The following CARMIL1 variants were observed in gnomAD, a reference collection of about 807,000 sequenced individuals.
CARMIL1 encodes the protein F-actin-uncapping protein LRRC16A.
A neutral mutation model predicts 177.1 loss-of-function variants in CARMIL1; 90 were observed. The observed-to-expected ratio is 0.51, with a 90% CI of 0.43 to 0.61. CARMIL1 has a LOEUF of 0.61. Among genes scored for constraint, CARMIL1 ranks in the 20% least tolerant of loss-of-function variants. The pLI, the probability that CARMIL1 is intolerant of heterozygous loss-of-function variation, is 0.00. For missense variants in CARMIL1, 1,380 were observed against 1,667.0 expected (o/e 0.83, Z 3.00); for synonymous variants, 577 against 606.2 (o/e 0.95, Z 0.71).
At chr6:25,343,058 T>C (rs983659306) in intron 2 of CARMIL1, among the ~76,000 whole-genome samples, 3 of 152,224 alleles carry the variant, frequency 2.0e-5, no homozygotes, top group Non-Finnish European at 2.9e-5. Context: ...CTGATGTTTT[T>C]TAAGATTGCA....
intron 2 of CARMIL1, among the ~76,000 whole-genome samples, chr6:25,333,693 G>C (rs1225144477): frequency 6.6e-6 from 1 of 152,096 alleles, no homozygotes; most frequent in Non-Finnish European, 1.5e-5. Context: ...CTCTCAGTTG[G>C]AACCCAGCTT....
chr6:25,325,910 G>A (rs1221658979), intron 2 of CARMIL1, among the ~76,000 whole-genome samples: 5 of 151,982 alleles, frequency 3.3e-5, no homozygotes, highest in Admixed American at 2.6e-4. Flanking sequence ...TTGCTCTGTC[G>A]CCAGGCTTTA....
chr6:25,544,644 CA>C (rs1428215733), intron 26 of CARMIL1, among the ~76,000 whole-genome samples: 210 of 145,086 alleles, frequency 1.4e-3, no homozygotes, highest in East Asian at 5.5e-3. Flanking sequence ...CACACACACA[CA>C]CCCCAAACAC....
At chr6:25,451,986 G>GGGGGGGGGGGGGGGGCCCCCCCCCCCCCC in intron 8 of CARMIL1, 1 of 112,672 alleles carries the variant, frequency 8.9e-6, no homozygotes, top group Non-Finnish European at 1.7e-5. Context: ...CTAGCATCTT[G>GGGGGGGGGGGGGGGGCCCCCCCCCCCCCC]CCCCCCCCTC....
At chr6:25,397,556 A>T (rs1793524524) in intron 2 of CARMIL1, among the ~76,000 whole-genome samples, 1 of 152,222 alleles carries the variant, frequency 6.6e-6, no homozygotes, top group African/African-American at 2.4e-5. Context: ...GTGTTTTTAC[A>T]TGCACTTTTG....
At chr6:25,553,190 G>T (rs1364303263) in intron 27 of CARMIL1, among the ~76,000 whole-genome samples, 4 of 152,002 alleles carry the variant, frequency 2.6e-5, no homozygotes, top group African/African-American at 9.7e-5. Context: ...GACAATATTG[G>T]AATATAGGTA....
In CARMIL1 at chr6:25,430,650, C is replaced by T. The variant is rs367627916; in HGVS notation, c.249+4090C>T. Among the ~76,000 whole-genome samples, 15 of 152,154 alleles carry T rather than the reference C, an allele frequency of 9.9e-5. 2 individuals are homozygous for T. In the South Asian group the frequency reaches 1.9e-3, roughly 19 times the overall value. ...TTCTCTGCATTGCCCAGGCTCGACT[C>T]GAACTTCTGAGCTCAAGCGATCCAC... On this transcript the variant is annotated intron_variant, in intron 4 of 36. Transcript: ENST00000329474.
At chr6:25,327,015 G>A (rs1017480664) in intron 2 of CARMIL1, among the ~76,000 whole-genome samples, 3 of 152,110 alleles carry the variant, frequency 2.0e-5, no homozygotes, top group African/African-American at 7.2e-5. Context: ...GAAGATGTTG[G>A]CTGTTGATGG....
At position 25,342,033 on chromosome 6, in the gene CARMIL1, A is replaced by G. The variant is rs749096631; in HGVS notation, c.138+57124A>G. Among the ~76,000 whole-genome samples, 40 of 152,334 alleles carry G rather than the reference A, an allele frequency of 2.6e-4. 1 individual carries two copies. Among genetic ancestry groups the G allele is most frequent in the South Asian group, 6.2e-4 (3 of 4,828 alleles). On this transcript the variant is annotated intron_variant, in intron 2 of 36. Transcript: ENST00000329474. Reference sequence around the variant, plus strand: ...CAGGGCTAGTTGCTAGCAACTTACTATGGCTAGTTGTTGAAAGCTGCAGTG... The same window carrying G: ...CAGGGCTAGTTGCTAGCAACTTACTGTGGCTAGTTGTTGAAAGCTGCAGTG...
chr6:25,458,271 G>GA (rs1335384147), intron 8 of CARMIL1, among the ~76,000 whole-genome samples: 1 of 151,688 alleles, frequency 6.6e-6, no homozygotes, highest in Non-Finnish European at 1.5e-5. Context: ...TTGATGTTCA[G>GA]AAAAAAAGAG....
chr6:25,289,895 A>G (rs1055018132), intron 2 of CARMIL1, among the ~76,000 whole-genome samples: 13 of 152,232 alleles, frequency 8.5e-5, no homozygotes, highest in African/African-American at 3.1e-4. Context: ...ATTTGTGTAC[A>G]GATTTTTGAG....
rs1236279023 is a variant in CARMIL1, at chr6:25,528,910, C to G, written c.2067+17C>G. ...ACCCAGCAGGTAAGCGAGCCAGTGC[C>G]TGTGACTTCTCCTTCTATTCTTAAC... On this transcript the variant is annotated intron_variant, in intron 24 of 36. Transcript: ENST00000329474. 3 of 1,583,500 alleles carry G rather than the reference C, an allele frequency of 1.9e-6. No homozygotes were observed. Among genetic ancestry groups the G allele is most frequent in the Non-Finnish European group, 2.6e-6 (3 of 1,159,906 alleles).
chr6:25,619,528 G>T lies in CARMIL1; in HGVS notation c.4061G>T (p.Gly1354Val). The change falls in exon 37 of 37, where the codon GGC becomes GTC. Residue 1354 changes from glycine (G) to valine (V), a missense_variant. Gly to Val is a moderately radical substitution (Grantham distance 109). Coordinates refer to ENST00000329474, the MANE Select transcript of CARMIL1 (RefSeq NM_017640.6). ...TCCTCCAGTAAAGATGGCCATCAAGGCAGCAAATCTAATGACTCCGGGGAA... is the reference window on the plus strand; with the variant it reads ...TCCTCCAGTAAAGATGGCCATCAAGTCAGCAAATCTAATGACTCCGGGGAA... ...QRSSSKDGHQGSKSNDSGEEA... is the reference protein window; with the variant it reads ...QRSSSKDGHQVSKSNDSGEEA... The T allele has an allele frequency of 6.2e-7, 1 of 1,613,854 alleles. No homozygotes were observed. The highest frequency in any genetic ancestry group is 8.5e-7 in the Non-Finnish European group (1 of 1,179,820).
chr6:25,303,097 T>A (rs964724015), intron 2 of CARMIL1, among the ~76,000 whole-genome samples: 1 of 151,852 alleles, frequency 6.6e-6, no homozygotes, highest in African/African-American at 2.4e-5. Context: ...GCATGTACTT[T>A]CAACTTTTGG....
chr6:25,580,367 T>A (rs1230263434), intron 29 of CARMIL1, among the ~76,000 whole-genome samples: 1 of 152,174 alleles, frequency 6.6e-6, no homozygotes, highest in East Asian at 1.9e-4. Context: ...TTTAGAAGAT[T>A]AACAGGATCA....
At chr6:25,373,776 G>T (rs1790691890) in intron 2 of CARMIL1, among the ~76,000 whole-genome samples, 1 of 151,892 alleles carries the variant, frequency 6.6e-6, no homozygotes, top group Non-Finnish European at 1.5e-5. Context: ...GTAGACGTGG[G>T]GTTTCACCAT....
At chr6:25,288,496 T>TC (rs1554150746) in intron 2 of CARMIL1, among the ~76,000 whole-genome samples, 95 of 150,776 alleles carry the variant, frequency 6.3e-4, no homozygotes, top group African/African-American at 2.2e-3. Flanking sequence ...TTTTTTTTTT[T>TC]CCGTATGGAA....
At chr6:25,572,702 CAAAAAAA>C (rs35085655) in intron 29 of CARMIL1, among the ~76,000 whole-genome samples, 1 of 53,170 alleles carries the variant, frequency 1.9e-5, no homozygotes, top group Non-Finnish European at 3.4e-5. Flanking sequence ...GACCTTGTCT[CAAAAAAA>C]AAAAAAAAAA....
rs549911223 is a variant in CARMIL1, at chr6:25,614,355, A to G, written c.3979+4174A>G. On this transcript the variant is annotated intron_variant, in intron 36 of 36. Transcript: ENST00000329474. ...GTAGCTCCTGCCCTAGAGAAAGCCA[A>G]TTAAGTTGACCCTTTACTTTTATAG... is the stretch of plus-strand genomic sequence containing the variant. Among the ~76,000 whole-genome samples the G allele has an allele frequency of 5.9e-5, 9 of 152,340 alleles. No individual in the cohort carries two copies. In the East Asian group the frequency reaches 1.2e-3, roughly 20 times the overall value.
Sources: allele counts gnomAD v4.1 joint callset (sites outside exome capture counted in the v4.1 genomes callset), GRCh38; gene constraint gnomAD v4.1.1; transcripts MANE v1.5; gene names NCBI Gene and HGNC (gene_info 2026-07-23, HGNC 2026-07-21).